Variants in DLG1 observed in about 807,000 individuals in gnomAD.
The protein encoded by DLG1 is disks large homolog 1.
Under a neutral mutation model 123.4 loss-of-function variants are expected in DLG1, and 42 were observed. That is an observed-to-expected ratio of 0.34 (90% CI 0.27 to 0.44). The LOEUF is 0.44. Among genes scored for constraint, DLG1 ranks in the 20% least tolerant of loss-of-function variants. The pLI, the probability that DLG1 is intolerant of heterozygous loss-of-function variation, is 1.00. For missense variants in DLG1, 942 were observed against 1,082.6 expected, an observed-to-expected ratio of 0.87 and a Z score of 1.82; for synonymous variants, 317 against 356.2, an observed-to-expected ratio of 0.89 and a Z score of 1.24.
chr3:197,197,759 C>T (rs1439759731), intron 4 of DLG1, among the ~76,000 whole-genome samples: 1 of 152,124 alleles, frequency 6.6e-6, no homozygotes, highest in Non-Finnish European at 1.5e-5. Flanking sequence ...TACTACAAAG[C>T]TACATTAATC....
chr3:197,252,241 C>T (rs1754792933), intron 4 of DLG1, among the ~76,000 whole-genome samples: 1 of 152,120 alleles, frequency 6.6e-6, no homozygotes. Context: ...TCTTCTTTTA[C>T]TGCTTTTACT....
At chr3:197,055,884 T>C (rs140370688) in intron 23 of DLG1, among the ~76,000 whole-genome samples, 149 of 152,346 alleles carry the variant, frequency 9.8e-4, no homozygotes, top group African/African-American at 3.3e-3. Context: ...ACTGTATGGC[T>C]GCACCTCCAT....
At chr3:197,071,485 C>T (rs1427581447) in intron 18 of DLG1, among the ~76,000 whole-genome samples, 1 of 151,514 alleles carries the variant, frequency 6.6e-6, no homozygotes, top group Non-Finnish European at 1.5e-5. Flanking sequence ...TCAAATTCTG[C>T]AGGTTCTTTC....
chr3:197,060,089 T>A, intron 22 of DLG1, 91 bp from the exon 23 acceptor site: 2 of 844,384 alleles, frequency 2.4e-6, no homozygotes, highest in South Asian at 3.5e-5. Context: ...ACAGTCTAAA[T>A]CATGATCTGT....
chr3:197,164,334 T>A (rs1800215519), intron 5 of DLG1, among the ~76,000 whole-genome samples: 2 of 151,516 alleles, frequency 1.3e-5, no homozygotes, highest in Admixed American at 1.3e-4. Flanking sequence ...AAGGTGGAGG[T>A]TGCGGTGAGC....
At chr3:197,098,258 T>C (rs928737401) in intron 14 of DLG1, among the ~76,000 whole-genome samples, 1 of 152,216 alleles carries the variant, frequency 6.6e-6, no homozygotes, top group Non-Finnish European at 1.5e-5. Context: ...TATTAGTTTT[T>C]AGCAATTTTG....
Position 197,100,263 on chromosome 3 carries a change from G to T in DLG1, c.1546+4640C>A, listed in dbSNP as rs114205713. On this transcript the variant is annotated intron_variant, in intron 14 of 24. Coordinates refer to ENST00000667157, the MANE Select transcript of DLG1 (RefSeq NM_001366207.1). ...TTTGGTTGGTATAAGAAGTAATAAT[G>T]AAAATAAAGTCAGGACACTGGGTGT... is the stretch of plus-strand genomic sequence containing the variant. Among the ~76,000 whole-genome samples the T allele has an allele frequency of 1.5e-3, 227 of 152,242 alleles. 1 individual carries two copies. Among genetic ancestry groups the T allele is most frequent in the African/African-American group, 5.2e-3 (217 of 41,546 alleles).
At chr3:197,064,928 T>C (rs1233010600) in intron 22 of DLG1, among the ~76,000 whole-genome samples, 1 of 151,972 alleles carries the variant, frequency 6.6e-6, no homozygotes, top group Non-Finnish European at 1.5e-5. Context: ...CAACTCAGCC[T>C]TCTCAGTAGC....
At chr3:197,084,351 G>A (rs570012368) in intron 16 of DLG1, among the ~76,000 whole-genome samples, 4 of 149,510 alleles carry the variant, frequency 2.7e-5, no homozygotes, top group South Asian at 2.1e-4. Context: ...TTGCTCTGTC[G>A]CCGAGGCTGG....
chr3:197,220,542 A>G (rs1192675226), intron 4 of DLG1, among the ~76,000 whole-genome samples: 3 of 152,204 alleles, frequency 2.0e-5, no homozygotes, highest in African/African-American at 7.2e-5. Flanking sequence ...AGCTGCAGAC[A>G]TATTATGGGG....
At chr3:197,194,280 T>G (rs1237217691) in intron 5 of DLG1, 145 bp downstream of exon 5, 2 of 435,564 alleles carry the variant, frequency 4.6e-6, no homozygotes, top group Non-Finnish European at 7.8e-6. Flanking sequence ...ATAAGCACCT[T>G]GAAATTCTCC....
rs149520993 is a variant in DLG1, at chr3:197,143,658, C to T, written c.538-890G>A. On this transcript the variant is annotated intron_variant, in intron 6 of 24. Coordinates refer to ENST00000667157, the MANE Select transcript of DLG1 (RefSeq NM_001366207.1). ...CTCTATGGGTTGGTAATCATGTCTT[C>T]GAATGAACTGACCCCAATGTACTAC... Among the ~76,000 whole-genome samples, 1,486 of 152,288 alleles carry T rather than the reference C, an allele frequency of 9.8e-3. 19 individuals are homozygous for T. The highest frequency in any genetic ancestry group is 0.023 in the African/African-American group (962 of 41,534).
At chr3:197,204,781 G>C (rs1727653708) in intron 4 of DLG1, among the ~76,000 whole-genome samples, 1 of 152,124 alleles carries the variant, frequency 6.6e-6, no homozygotes, top group Non-Finnish European at 1.5e-5. Context: ...GATGTGCACG[G>C]GTTATATGCA....
At chr3:197,104,756 A>G in intron 14 of DLG1, 147 bp downstream of exon 14, 1 of 631,400 alleles carries the variant, frequency 1.6e-6, no homozygotes, top group Non-Finnish European at 2.8e-6. Flanking sequence ...AACTAGGTTC[A>G]GACTAAACAA....
intron 14 of DLG1, among the ~76,000 whole-genome samples, chr3:197,094,456 T>C (rs1254604809): frequency 6.6e-6 from 1 of 152,226 alleles, no homozygotes; most frequent in Non-Finnish European, 1.5e-5. Flanking sequence ...ACAAGCAATC[T>C]TCCCAGATTG....
At chr3:197,264,457 CTT>C (rs892558195) in intron 4 of DLG1, among the ~76,000 whole-genome samples, 3 of 152,162 alleles carry the variant, frequency 2.0e-5, no homozygotes, top group South Asian at 2.1e-4. Flanking sequence ...GAGTTTCACT[CTT>C]GTTACCCAGG....
chr3:197,183,434 C>T (rs1713713620), intron 5 of DLG1: 5 of 780,118 alleles, frequency 6.4e-6, no homozygotes, highest in Admixed American at 2.9e-5. Flanking sequence ...AAGACCTACA[C>T]GGATGGACAG....
At chr3:197,068,628 C>T in intron 19 of DLG1, 1 of 764,690 alleles carries the variant, frequency 1.3e-6, no homozygotes, top group Non-Finnish European at 2.2e-6. Context: ...CCCTCCCCTT[C>T]TCCCATGCCC....
At chr3:197,200,992 G>A (rs1196024786) in intron 4 of DLG1, among the ~76,000 whole-genome samples, 2 of 152,060 alleles carry the variant, frequency 1.3e-5, no homozygotes, top group Non-Finnish European at 2.9e-5. Flanking sequence ...ACAGCAATTA[G>A]GCAAGAGGAA....
Sources: allele counts gnomAD v4.1 joint callset (sites outside exome capture counted in the v4.1 genomes callset), GRCh38; gene constraint gnomAD v4.1.1; transcripts MANE v1.5; gene names NCBI Gene and HGNC (gene_info 2026-07-23, HGNC 2026-07-21).